CSNK1D: variants seen among roughly 807,000 people sequenced by gnomAD.
CSNK1D encodes the protein casein kinase I isoform delta.
A neutral mutation model predicts 46.6 loss-of-function variants in CSNK1D; 16 were observed. That is an observed-to-expected ratio of 0.34 (90% confidence interval 0.23 to 0.52). The LOEUF (loss-of-function observed/expected upper bound fraction) is 0.52. Among genes scored for constraint, CSNK1D ranks in the 20% least tolerant of loss-of-function variants. The pLI, the probability that CSNK1D is intolerant of heterozygous loss-of-function variation, is 0.95. For missense variants in CSNK1D, 398 were observed against 578.4 expected, an observed-to-expected ratio of 0.69 and a Z score of 3.20; for synonymous variants, 276 against 228.2, an observed-to-expected ratio of 1.21 and a Z score of -1.89.
chr17:82,255,147 G>A lies in CSNK1D; in HGVS notation c.336+282C>T. ...GAGCCGTCGGAGCCTCCAGAAGCCA[G>A]TGAGCTGGGCCGCCGGAGCCTCGAG... is the stretch of plus-strand genomic sequence containing the variant. On this transcript the variant is annotated intron_variant, in intron 3 of 8. Transcript: ENST00000314028. The surrounding 1 kb of genome is among the most constrained non-coding windows in gnomAD (Gnocchi z 5.9). The A allele has an allele frequency of 2.2e-6, 1 of 459,366 alleles. No individual in the cohort carries two copies. The highest frequency in any genetic ancestry group is 4.0e-6 in the Non-Finnish European group (1 of 252,466). The allele number at this position is 459,366 out of a possible 1,614,324, so 28.5% of individuals were successfully genotyped here. A position where few individuals can be genotyped will look rare whatever the true frequency, so the allele number is the denominator to read the frequency against.
chr17:82,273,279 C>A lies in CSNK1D; in HGVS notation c.76+27G>T, dbSNP rs1314877043. On this transcript the variant is annotated intron_variant, in intron 1 of 8. Transcript: ENST00000314028. This position sits in a 1 kb window ranked among gnomAD's most constrained non-coding sequence, Gnocchi z 5.1. The stretch of plus-strand genomic sequence containing the variant: ...CAGCCGCAGGGCCCGGGTCTTCGGG[C>A]GGCGGGCGGGGGCGGCGGGGCCTCA... 4 of 1,592,470 alleles carry A rather than the reference C, an allele frequency of 2.5e-6. No homozygotes were observed. Among genetic ancestry groups the A allele is most frequent in the Non-Finnish European group, 3.4e-6 (4 of 1,170,904 alleles).
chr17:82,261,588 T>C (rs1195928720), intron 2 of CSNK1D, among the ~76,000 whole-genome samples: 1 of 152,146 alleles, frequency 6.6e-6, no homozygotes, highest in Non-Finnish European at 1.5e-5. Context: ...GATAATTTCA[T>C]TATTTGGATT....
At chr17:82,260,116 C>G (rs913460670) in intron 2 of CSNK1D, among the ~76,000 whole-genome samples, 19 of 141,190 alleles carry the variant, frequency 1.3e-4, no homozygotes, top group East Asian at 4.3e-4. Flanking sequence ...GGTGTACTGA[C>G]TGATGTGACT....
At chr17:82,267,653 C>T (rs570343354) in intron 1 of CSNK1D, among the ~76,000 whole-genome samples, 2 of 152,216 alleles carry the variant, frequency 1.3e-5, no homozygotes, top group Non-Finnish European at 2.9e-5. Context: ...ATGACTTCAT[C>T]GAAAAATGTA....
At chr17:82,272,519 C>A (rs949944372) in intron 1 of CSNK1D, among the ~76,000 whole-genome samples, 1 of 152,244 alleles carries the variant, frequency 6.6e-6, no homozygotes, top group Non-Finnish European at 1.5e-5. Context: ...ATGAGTACAA[C>A]TACCTCATCT....
At chr17:82,256,737 C>A (rs1049220987) in intron 2 of CSNK1D, among the ~76,000 whole-genome samples, 1 of 152,092 alleles carries the variant, frequency 6.6e-6, no homozygotes, top group East Asian at 1.9e-4. Flanking sequence ...CCCCAAAATA[C>A]GTCCTTTGGT....
In CSNK1D at chr17:82,249,587, C is replaced by A; in HGVS notation, c.901G>T (p.Ala301Ser). 6.4e-7 allele frequency: 1 copy of A among 1,559,592 alleles called. No homozygotes were observed. Among genetic ancestry groups the A allele is most frequent in the Non-Finnish European group, 8.6e-7 (1 of 1,156,794 alleles). ...NMLKFGASRA[A>S]DDAERERRDR... The stretch of plus-strand genomic sequence containing the variant: ...CTGCGCTCCCGCTCGGCGTCATCGG[C>A]GGCCCGGCTGGCACCCTGAGGAGGC... Residue 301 changes from alanine (A) to serine (S), a missense_variant, in exon 7 of 9, where the codon GCC becomes TCC. Coordinates refer to ENST00000314028, the MANE Select transcript of CSNK1D (RefSeq NM_001893.6). This position sits in a 1 kb window ranked among gnomAD's most constrained non-coding sequence, Gnocchi z 6.7.
At chr17:82,246,047 G>A (rs1334737198) in intron 8 of CSNK1D, 2 of 1,607,644 alleles carry the variant, frequency 1.2e-6, no homozygotes, top group Non-Finnish European at 1.7e-6. Context: ...ATTCTGAGGT[G>A]GGGAAAAGAC....
At chr17:82,256,751 AT>A (rs888207031) in intron 2 of CSNK1D, among the ~76,000 whole-genome samples, 1 of 150,778 alleles carries the variant, frequency 6.6e-6, no homozygotes, top group Non-Finnish European at 1.5e-5. Context: ...CTTTGGTCCT[AT>A]TTTTTTTTCT....
intron 1 of CSNK1D, among the ~76,000 whole-genome samples, chr17:82,267,299 AAC>A (rs1348701693): frequency 6.6e-6 from 1 of 152,172 alleles, no homozygotes; most frequent in Non-Finnish European, 1.5e-5. Context: ...TGAATGGGTT[AAC>A]AGTTTCTTTT....
downstream of CSNK1D, chr17:82,239,022 G>C: frequency 2.7e-6 from 4 of 1,477,354 alleles, no homozygotes; most frequent in Non-Finnish European, 3.6e-6. Context: ...TACAGAAGCC[G>C]GCAACGCTTG....
At chr17:82,260,295 T>C (rs1158829119) in intron 2 of CSNK1D, among the ~76,000 whole-genome samples, 8 of 132,444 alleles carry the variant, frequency 6.0e-5, no homozygotes, top group East Asian at 4.4e-4. Context: ...ATGCGACTGA[T>C]AGTGTATTGA....
At chr17:82,268,948 T>C (rs547740506) in intron 1 of CSNK1D, among the ~76,000 whole-genome samples, 2 of 151,644 alleles carry the variant, frequency 1.3e-5, no homozygotes, top group South Asian at 4.2e-4. Flanking sequence ...ACAAAAAAAA[T>C]TAGCCAGGCA....
Position 82,252,623 on chromosome 17 carries a change from G to T in CSNK1D, c.566-19C>A. 1 of 1,612,092 alleles carries T rather than the reference G, an allele frequency of 6.2e-7. No individual in the cohort carries two copies. On this transcript the variant is annotated intron_variant, in intron 4 of 8. Transcript: ENST00000314028. This position sits in a 1 kb window ranked among gnomAD's most constrained non-coding sequence, Gnocchi z 4.6. ...GATTGTTCTGAAAAGAAAAGGGAAA[G>T]GCGTGAAGAACGGCACTTGCGTGCT...
chr17:82,270,859 C>T (rs1447861342), intron 1 of CSNK1D, among the ~76,000 whole-genome samples: 2 of 152,330 alleles, frequency 1.3e-5, no homozygotes, highest in East Asian at 3.9e-4. Context: ...GGTGTCAGAG[C>T]CACAGCCGCC....
At chr17:82,247,952 T>C (rs1014365343) in intron 8 of CSNK1D, 14 of 985,386 alleles carry the variant, frequency 1.4e-5, no homozygotes, top group Non-Finnish European at 1.7e-5. Flanking sequence ...CACTCCGGCA[T>C]GTTCCTGGCT....
rs778982370 is a variant in CSNK1D at position 82,252,031 on chromosome 17, CATTT to C, written c.736+399_736+402del. 7.2e-5 allele frequency among the ~76,000 whole-genome samples: 11 copies of C among 152,062 alleles called. 1 individual carries two copies. The East Asian group carries it at 9.6e-4, about 13-fold the overall frequency. ...GAAGTCATAAAGCACAATTTAGTTT[CATTT>C]GAGGTGTGTATCCTGGGGCAATCCT... is the stretch of plus-strand genomic sequence containing the variant. On this transcript the variant is annotated intron_variant, in intron 5 of 8. Transcript: ENST00000314028. This position sits in a 1 kb window ranked among gnomAD's most constrained non-coding sequence, Gnocchi z 4.6.
Position 82,243,275 on chromosome 17 carries a change from G to A in CSNK1D, c.*1506C>T, listed in dbSNP as rs1187887990. 2.0e-6 allele frequency: 2 copies of A among 985,386 alleles called. No individual in the cohort carries two copies. Among genetic ancestry groups the A allele is most frequent in the African/African-American group, 1.7e-5 (1 of 57,238 alleles). The allele number at this position is 985,386 out of a possible 1,614,324, so 61.0% of individuals were successfully genotyped here. On this transcript the variant is annotated 3_prime_UTR_variant, in exon 9 of 9. Transcript: ENST00000314028. The stretch of plus-strand genomic sequence containing the variant: ...GGGGAGGAGAAGGGAGAACCAAGGT[G>A]CACACCTTCGAAGCCCTAGAGTCCA...
Position 82,253,242 on chromosome 17 carries a change from G to T in CSNK1D, c.339C>A (p.Ile113=). 6.2e-7 allele frequency: 1 copy of T among 1,613,710 alleles called. No homozygotes were observed. The highest frequency in any genetic ancestry group is 8.5e-7 in the Non-Finnish European group (1 of 1,179,692). Residue 113 remains isoleucine, a splice_region_variant and synonymous_variant, in exon 4 of 9, where the codon ATC becomes ATA. Coordinates refer to ENST00000314028, the MANE Select transcript of CSNK1D (RefSeq NM_001893.6). ...TTGAATGAATGTATTCGATGCGACT[G>T]ATCTGTGAGCAGAGCAAGGGCGCGA... is the stretch of plus-strand genomic sequence containing the variant. ...KTVLLLADQM[I]SRIEYIHSKN... is the part of the protein sequence containing the mutation.
Sources: allele counts gnomAD v4.1 joint callset (sites outside exome capture counted in the v4.1 genomes callset), GRCh38; gene constraint gnomAD v4.1.1; non-coding constraint Gnocchi (gnomAD v3.1); transcripts MANE v1.5; gene names NCBI Gene and HGNC (gene_info 2026-07-23, HGNC 2026-07-21).